The following CDYL variants were observed in gnomAD, a reference collection of about 807,000 sequenced individuals.
CDYL encodes the protein chromodomain Y like, also known as chromodomain Y-like protein.
CDYL carries 8 observed loss-of-function variants against 47.3 expected under a neutral mutation model. The observed-to-expected ratio is 0.17, with a 90% CI of 0.10 to 0.31. The LOEUF is 0.31. Ranked by LOEUF, CDYL falls within the 10% of genes least tolerant of loss-of-function variation. The pLI, the probability that CDYL is intolerant of heterozygous loss-of-function variation, is 1.00. For missense variants in CDYL, 471 were observed against 701.4 expected (o/e 0.67, Z 3.71); for synonymous variants, 266 against 265.0 (o/e 1.00, Z -0.04).
intron 2 of CDYL, among the ~76,000 whole-genome samples, chr6:4,723,200 A>G (rs967082837): frequency 3.9e-5 from 6 of 152,220 alleles, no homozygotes; most frequent in African/African-American, 1.2e-4. Flanking sequence ...TAGCATTTAC[A>G]TGGCAGTAGA....
intron 1 of CDYL, chr6:4,890,161 A>G (rs1007851314): frequency 6.1e-6 from 6 of 985,188 alleles, no homozygotes; most frequent in Middle Eastern, 5.2e-4. Context: ...AACATTAAAC[A>G]TAGCTTTCCT....
chr6:4,892,907 G>A (rs924151990), intron 2 of CDYL, among the ~76,000 whole-genome samples: 22 of 152,242 alleles, frequency 1.4e-4, no homozygotes, highest in Middle Eastern at 3.4e-3. Flanking sequence ...TGCTTCCCCC[G>A]TCAGAGCCCA....
At chr6:4,861,987 C>T (rs1761182684) in intron 1 of CDYL, among the ~76,000 whole-genome samples, 1 of 152,102 alleles carries the variant, frequency 6.6e-6, no homozygotes. Context: ...AATTCATAGC[C>T]CTGGTCCTAA....
At chr6:4,724,392 G>T (rs141238647) in intron 2 of CDYL, 117 of 152,294 alleles carry the variant, frequency 7.7e-4, no homozygotes, top group African/African-American at 2.7e-3. Flanking sequence ...TGTCTTTCGT[G>T]TAACATGTCA....
chr6:4,886,281 A>C (rs1459467638), intron 1 of CDYL, among the ~76,000 whole-genome samples: 1 of 152,162 alleles, frequency 6.6e-6, no homozygotes, highest in Non-Finnish European at 1.5e-5. Context: ...GCTGGGTCAT[A>C]TGGTAACTCT....
chr6:4,828,401 G>A (rs1055652592), intron 1 of CDYL, among the ~76,000 whole-genome samples: 1 of 151,882 alleles, frequency 6.6e-6, no homozygotes, highest in Non-Finnish European at 1.5e-5. Context: ...GGGACTCCAG[G>A]TGCACACCAC....
chr6:4,779,733 G>A (rs957156290), intron 1 of CDYL, among the ~76,000 whole-genome samples: 4 of 152,082 alleles, frequency 2.6e-5, no homozygotes, highest in Non-Finnish European at 4.4e-5. Context: ...AAAGACAAGC[G>A]TCCTTTACAT....
intron 2 of CDYL, among the ~76,000 whole-genome samples, chr6:4,914,221 T>TTTCC (rs1554107432): frequency 6.6e-6 from 1 of 150,580 alleles, no homozygotes. Context: ...TTTTTTTTTT[T>TTTCC]CCACACTCTC....
At chr6:4,732,155 C>T (rs1270436608) in intron 2 of CDYL, among the ~76,000 whole-genome samples, 7 of 151,874 alleles carry the variant, frequency 4.6e-5, no homozygotes, top group Admixed American at 4.6e-4. Context: ...GGCAACATAG[C>T]AAGATCCTGT....
Position 4,708,169 on chromosome 6 carries a change from CACACACACAT to C in CDYL, c.-39+1920_-39+1929del, listed in dbSNP as rs780263902. ...GTACACACACACACACACACACACA[CACACACACAT>C]ATATATATATATATTTGAGACAGAA... On this transcript the variant is annotated intron_variant, in intron 1 of 8. Transcript: ENST00000328908. 5.7e-3 allele frequency among the ~76,000 whole-genome samples: 392 copies of C among 68,940 alleles called. 4 individuals carry two copies. The highest frequency in any genetic ancestry group is 0.023 in the African/African-American group (267 of 11,454). 45.2% of individuals were successfully genotyped at this position (68,940 alleles called of 152,430 possible).
intron 1 of CDYL, among the ~76,000 whole-genome samples, chr6:4,842,011 A>G (rs1183749261): frequency 6.9e-6 from 1 of 145,360 alleles, no homozygotes; most frequent in East Asian, 1.9e-4. Flanking sequence ...TAAATTAATT[A>G]TATTTGTATT....
chr6:4,845,029 C>G (rs1157615333), intron 1 of CDYL, among the ~76,000 whole-genome samples: 7 of 152,114 alleles, frequency 4.6e-5, no homozygotes, highest in Admixed American at 3.3e-4. Flanking sequence ...ATTATTCTTT[C>G]TACAATTTGA....
intron 2 of CDYL, among the ~76,000 whole-genome samples, chr6:4,733,684 G>A (rs1253850032): frequency 2.0e-5 from 3 of 152,098 alleles, no homozygotes; most frequent in African/African-American, 7.2e-5. Flanking sequence ...ATTTCAGTAA[G>A]TGAAGGCAAA....
intron 1 of CDYL, among the ~76,000 whole-genome samples, chr6:4,880,631 G>A (rs1222620449): frequency 6.6e-6 from 1 of 152,244 alleles, no homozygotes; most frequent in Non-Finnish European, 1.5e-5. Flanking sequence ...CGAAGTGGCT[G>A]TGCCATTTGC....
intron 1 of CDYL, among the ~76,000 whole-genome samples, chr6:4,852,166 A>T (rs945573969): frequency 6.6e-6 from 1 of 152,074 alleles, no homozygotes; most frequent in Non-Finnish European, 1.5e-5. Context: ...TCTACTGATG[A>T]TCCTTGCTGA....
chr6:4,793,134 G>A (rs919899928), intron 1 of CDYL, among the ~76,000 whole-genome samples: 4 of 151,450 alleles, frequency 2.6e-5, no homozygotes, highest in Non-Finnish European at 4.4e-5. Flanking sequence ...TCTCCTCATG[G>A]TGGTGTGCTC....
chr6:4,819,162 C>CTGTGTGTGTG (rs374323088), intron 1 of CDYL, among the ~76,000 whole-genome samples: 61 of 111,986 alleles, frequency 5.4e-4, no homozygotes, highest in African/African-American at 2.7e-3. Context: ...CTCTCTCTCT[C>CTGTGTGTGTG]TGTGTGTGTG....
In CDYL at chr6:4,937,579, C is replaced by G. The variant is rs1189734172; in HGVS notation, c.963C>G (p.Val321=). 6.4e-6 allele frequency: 10 copies of G among 1,564,978 alleles called. No individual in the cohort carries two copies. The highest frequency in any genetic ancestry group is 8.6e-6 in the Non-Finnish European group (10 of 1,158,302). ...GTGACTTTCAGGTAATGAGAGAAGT[C>G]CAGAGTGCTCTGAGCACGGCCGCTG... ...NSLNPEVMRE[V]QSALSTAAAD... The change falls in exon 4 of 7, where the codon GTC becomes GTG. Residue 321 remains valine (V), a synonymous_variant. Coordinates refer to ENST00000397588, the MANE Select transcript of CDYL (RefSeq NM_004824.4).
At chr6:4,852,478 T>A (rs1487376445) in intron 1 of CDYL, among the ~76,000 whole-genome samples, 1 of 129,724 alleles carries the variant, frequency 7.7e-6, no homozygotes, top group African/African-American at 3.2e-5. Context: ...CAATCTTCCT[T>A]CCTTCCTTCC....
Sources: gnomAD v4.1 joint callset for allele counts (sites outside exome capture counted in the v4.1 genomes callset) on GRCh38, gnomAD v4.1.1 for gene constraint, MANE v1.5 for transcripts, NCBI Gene and HGNC (gene_info 2026-07-23, HGNC 2026-07-21) for gene names.